The following PDE4B variants were observed in gnomAD, a reference collection of about 807,000 sequenced individuals.
PDE4B encodes the protein 3',5'-cyclic-AMP phosphodiesterase 4B.
A neutral mutation model predicts 82.2 loss-of-function variants in PDE4B; 20 were observed. The observed-to-expected ratio is 0.24, with a 90% confidence interval of 0.17 to 0.35. The LOEUF (loss-of-function observed/expected upper bound fraction) is 0.35. Ranked by LOEUF, PDE4B falls within the 10% of genes least tolerant of loss-of-function variation. The pLI is 1.00. For missense variants in PDE4B, 655 were observed against 907.2 expected (o/e 0.72, Z 3.57); for synonymous variants, 320 against 318.9 (o/e 1.00, Z -0.04).
At chr1:66,217,289 A>G (rs1650539818) in intron 3 of PDE4B, among the ~76,000 whole-genome samples, 1 of 152,140 alleles carries the variant, frequency 6.6e-6, no homozygotes, top group Non-Finnish European at 1.5e-5. Flanking sequence ...ATGACACTTG[A>G]TAAAGGTATT....
At chr1:66,166,475 C>T (rs1057074483) in intron 3 of PDE4B, among the ~76,000 whole-genome samples, 1 of 152,264 alleles carries the variant, frequency 6.6e-6, no homozygotes, top group Non-Finnish European at 1.5e-5. Context: ...TTGGCTCACA[C>T]CTGCAATTCC....
intron 3 of PDE4B, among the ~76,000 whole-genome samples, chr1:66,198,847 G>C (rs566048722): frequency 9.9e-5 from 15 of 151,550 alleles, no homozygotes; most frequent in Non-Finnish European, 1.9e-4. Context: ...ACCTATGAGT[G>C]AGAACATGCG....
rs138848965 is a variant in PDE4B at position 65,848,267 on chromosome 1, T to C, written c.-71+55019T>C. 3.6e-3 allele frequency among the ~76,000 whole-genome samples: 543 copies of C among 152,174 alleles called. 3 individuals carry two copies. Among genetic ancestry groups the C allele is most frequent in the African/African-American group, 0.013 (519 of 41,502 alleles). On this transcript the variant is annotated intron_variant, in intron 1 of 16. Coordinates refer to ENST00000341517, the MANE Select transcript of PDE4B (RefSeq NM_002600.4). ...AGTTCTCCCGCATCAGCCTCCTGAG[T>C]AGCTGAGACTACAGGCATGTGCCAC...
chr1:65,935,896 T>C (rs1293495416), intron 3 of PDE4B, among the ~76,000 whole-genome samples: 2 of 152,090 alleles, frequency 1.3e-5, no homozygotes, highest in Non-Finnish European at 2.9e-5. Flanking sequence ...GAGATCACGC[T>C]GTTATACTCC....
intron 3 of PDE4B, among the ~76,000 whole-genome samples, chr1:66,237,721 C>T (rs886620395): frequency 6.6e-6 from 1 of 152,208 alleles, no homozygotes; most frequent in Admixed American, 6.5e-5. Flanking sequence ...AATATCCTTT[C>T]TCTGAGTAAA....
intron 3 of PDE4B, among the ~76,000 whole-genome samples, chr1:66,165,100 T>C (rs1430422054): frequency 6.6e-6 from 1 of 152,166 alleles, no homozygotes; most frequent in African/African-American, 2.4e-5. Flanking sequence ...CCTGCACTGC[T>C]GCTATATCTA....
At chr1:66,106,201 G>A (rs950296248) in intron 3 of PDE4B, among the ~76,000 whole-genome samples, 1 of 152,024 alleles carries the variant, frequency 6.6e-6, no homozygotes, top group East Asian at 1.9e-4. Context: ...AGATAATCGT[G>A]GTTTTTGTCT....
At chr1:65,794,721 A>G (rs1432707369) in intron 1 of PDE4B, among the ~76,000 whole-genome samples, 1 of 152,210 alleles carries the variant, frequency 6.6e-6, no homozygotes. Flanking sequence ...TTTCTAAACA[A>G]CAACGTGCCA....
intron 7 of PDE4B, among the ~76,000 whole-genome samples, chr1:66,290,682 A>T (rs762820629): frequency 8.5e-5 from 13 of 152,190 alleles, no homozygotes; most frequent in Non-Finnish European, 1.8e-4. Flanking sequence ...GGAAGCAGGG[A>T]TAATTTCCAA....
intron 3 of PDE4B, among the ~76,000 whole-genome samples, chr1:65,979,868 G>A (rs1260230419): frequency 6.6e-6 from 1 of 152,188 alleles, no homozygotes; most frequent in East Asian, 1.9e-4. Flanking sequence ...GGAGGTGTCA[G>A]GCAATAGCAA....
chr1:66,278,919 G>A (rs1570611760), intron 7 of PDE4B, among the ~76,000 whole-genome samples: 2 of 152,102 alleles, frequency 1.3e-5, no homozygotes, highest in African/African-American at 4.8e-5. Flanking sequence ...TATCCCAGGG[G>A]AAAATAAGGG....
chr1:65,932,527 G>T (rs1647895101), intron 3 of PDE4B, among the ~76,000 whole-genome samples: 1 of 151,942 alleles, frequency 6.6e-6, no homozygotes, highest in African/African-American at 2.4e-5. Flanking sequence ...TCACTGTTTT[G>T]TCTAATATAC....
intron 1 of PDE4B, among the ~76,000 whole-genome samples, chr1:65,884,758 T>G (rs1215988301): frequency 6.6e-6 from 1 of 152,164 alleles, no homozygotes; most frequent in East Asian, 1.9e-4. Flanking sequence ...ATGAAAACCC[T>G]AGAGGAAAAC....
At chr1:65,940,349 A>G (rs1435578877) in intron 3 of PDE4B, among the ~76,000 whole-genome samples, 2 of 152,016 alleles carry the variant, frequency 1.3e-5, no homozygotes, top group African/African-American at 4.8e-5. Context: ...AGAGGGAGGG[A>G]GCAATTAGAT....
chr1:66,336,142 C>T (rs1660495636), intron 8 of PDE4B, among the ~76,000 whole-genome samples: 1 of 152,180 alleles, frequency 6.6e-6, no homozygotes, highest in Admixed American at 6.5e-5. Context: ...AGTTCCTGAC[C>T]TCGTGTCACC....
intron 7 of PDE4B, among the ~76,000 whole-genome samples, chr1:66,290,953 T>A (rs377088188): frequency 1.3e-5 from 2 of 152,148 alleles, no homozygotes; most frequent in African/African-American, 2.4e-5. Flanking sequence ...AACTGGATGC[T>A]TTGTCTTCTA....
chr1:66,314,073 C>G (rs113785060), intron 7 of PDE4B, among the ~76,000 whole-genome samples: 3 of 152,134 alleles, frequency 2.0e-5, no homozygotes, highest in Non-Finnish European at 4.4e-5. Context: ...TTTGGAAACT[C>G]GTCTCTCCAG....
In PDE4B at chr1:66,145,050, G is replaced by A. The variant is rs116294812; in HGVS notation, c.282-102410G>A. The stretch of plus-strand genomic sequence containing the variant: ...ATGCCTTGATGAACCTATGGTGGCC[G>A]TGAGTAGCAATCTACAAACTTGACT... On this transcript the variant is annotated intron_variant, in intron 3 of 16. Coordinates refer to ENST00000341517, the MANE Select transcript of PDE4B (RefSeq NM_002600.4). Among the ~76,000 whole-genome samples, 1,239 of 152,302 alleles carry A rather than the reference G, an allele frequency of 8.1e-3. 8 individuals are homozygous for A. The highest frequency in any genetic ancestry group is 0.011 in the Non-Finnish European group (779 of 68,030).
intron 3 of PDE4B, among the ~76,000 whole-genome samples, chr1:66,033,053 C>T (rs1653877344): frequency 2.0e-5 from 3 of 152,158 alleles, no homozygotes; most frequent in Middle Eastern, 3.4e-3. Flanking sequence ...CCAAACACCG[C>T]GTTTTATTTA....
Sources: allele counts gnomAD v4.1 joint callset (sites outside exome capture counted in the v4.1 genomes callset), GRCh38; gene constraint gnomAD v4.1.1; transcripts MANE v1.5; gene names NCBI Gene and HGNC (gene_info 2026-07-23, HGNC 2026-07-21).